MACROD2: variants seen among roughly 807,000 people sequenced by gnomAD.
The protein encoded by MACROD2 is mono-ADP ribosylhydrolase 2.
In MACROD2, 36 loss-of-function variants were observed where a neutral mutation model predicts 70.4. That is an observed-to-expected ratio of 0.51 (90% CI 0.39 to 0.68). The LOEUF is 0.68. Among genes scored for constraint, MACROD2 ranks in the 30% least tolerant of loss-of-function variants. MACROD2 has a pLI of 0.00. For missense variants in MACROD2, 496 were observed against 538.4 expected, an observed-to-expected ratio of 0.92 and a Z score of 0.78; for synonymous variants, 172 against 178.8, an observed-to-expected ratio of 0.96 and a Z score of 0.30.
intron 3 of MACROD2, among the ~76,000 whole-genome samples, chr20:14,232,469 A>C (rs974689094): frequency 6.6e-6 from 1 of 152,252 alleles, no homozygotes; most frequent in African/African-American, 2.4e-5. Context: ...AGCTAGATCT[A>C]GATAACTTGC....
chr20:14,693,678 A>G (rs765281063), intron 5 of MACROD2, among the ~76,000 whole-genome samples: 1 of 152,172 alleles, frequency 6.6e-6, no homozygotes, highest in Non-Finnish European at 1.5e-5. Flanking sequence ...GCTCTGTATT[A>G]TAGAATGTAA....
chr20:14,349,200 T>G (rs2083095412), intron 3 of MACROD2, among the ~76,000 whole-genome samples: 1 of 151,864 alleles, frequency 6.6e-6, no homozygotes, highest in South Asian at 2.1e-4. Flanking sequence ...ACTTTTTTTT[T>G]TTTTTTTTTA....
At chr20:14,991,298 C>T (rs1368162691) in intron 5 of MACROD2, among the ~76,000 whole-genome samples, 1 of 152,046 alleles carries the variant, frequency 6.6e-6, no homozygotes, top group Non-Finnish European at 1.5e-5. Context: ...AACTTTGCAT[C>T]ATTTTTTTTT....
intron 2 of MACROD2, among the ~76,000 whole-genome samples, chr20:14,044,340 T>C (rs1045007701): frequency 2.0e-5 from 3 of 152,092 alleles, no homozygotes; most frequent in African/African-American, 7.2e-5. Flanking sequence ...ATAAAGGCAG[T>C]GTGGACCCAA....
At chr20:14,550,108 A>G (rs1447700522) in intron 4 of MACROD2, among the ~76,000 whole-genome samples, 2 of 151,966 alleles carry the variant, frequency 1.3e-5, no homozygotes, top group African/African-American at 4.8e-5. Flanking sequence ...TTTTTAGTAT[A>G]GACGGGGTTT....
At chr20:15,325,406 C>T (rs931124740) in intron 6 of MACROD2, among the ~76,000 whole-genome samples, 1 of 152,138 alleles carries the variant, frequency 6.6e-6, no homozygotes, top group Non-Finnish European at 1.5e-5. Flanking sequence ...ATTTGAGGCT[C>T]CCCATCATGT....
chr20:15,076,309 A>C (rs2075657705), intron 5 of MACROD2, among the ~76,000 whole-genome samples: 1 of 152,144 alleles, frequency 6.6e-6, no homozygotes, highest in Non-Finnish European at 1.5e-5. Flanking sequence ...AAAATAAATC[A>C]ATTTCTGCTT....
intron 3 of MACROD2, among the ~76,000 whole-genome samples, chr20:14,430,515 C>T (rs1015044310): frequency 6.6e-6 from 1 of 152,128 alleles, no homozygotes; most frequent in South Asian, 2.1e-4. Flanking sequence ...ATATTTCTAG[C>T]TTTGACTGCT....
rs376333093 is a variant in MACROD2 at position 15,151,303 on chromosome 20, G to A, written c.419-78637G>A. On this transcript the variant is annotated intron_variant, in intron 5 of 17. Coordinates refer to ENST00000684519, the MANE Select transcript of MACROD2 (RefSeq NM_001351661.2). ...TTTCCAGCACTTGTAGCAAGCTCCT[G>A]GGGGAGGAGGTTCTGGAGGAATGCC... Among the ~76,000 whole-genome samples, 13 of 152,208 alleles carry A rather than the reference G, an allele frequency of 8.5e-5. No individual in the cohort carries two copies. In the East Asian group the frequency reaches 1.9e-3, roughly 23 times the overall value.
chr20:15,050,249 A>G (rs1435445514), intron 5 of MACROD2, among the ~76,000 whole-genome samples: 2 of 152,152 alleles, frequency 1.3e-5, no homozygotes, highest in African/African-American at 4.8e-5. Context: ...GCATGTTAAT[A>G]TGGTTGTAAT....
intron 5 of MACROD2, among the ~76,000 whole-genome samples, chr20:14,756,831 G>A (rs557227141): frequency 6.6e-6 from 1 of 152,212 alleles, no homozygotes; most frequent in African/African-American, 2.4e-5. Flanking sequence ...ACCAGGTGGA[G>A]ATAATGTTTC....
intron 3 of MACROD2, among the ~76,000 whole-genome samples, chr20:14,338,572 A>G (rs1399756240): frequency 6.6e-6 from 1 of 152,138 alleles, no homozygotes; most frequent in Non-Finnish European, 1.5e-5. Context: ...GATTATTTAT[A>G]TTTAACGATC....
chr20:14,966,284 G>A (rs1210666289), intron 5 of MACROD2, among the ~76,000 whole-genome samples: 1 of 152,146 alleles, frequency 6.6e-6, no homozygotes, highest in Admixed American at 6.5e-5. Context: ...ATGTACTTGT[G>A]TAACCACCTC....
At chr20:14,142,629 T>C (rs1181209307) in intron 3 of MACROD2, among the ~76,000 whole-genome samples, 1 of 152,204 alleles carries the variant, frequency 6.6e-6, no homozygotes, top group South Asian at 2.1e-4. Flanking sequence ...TTGATTGCTT[T>C]AAAAAATTTG....
At chr20:14,505,852 A>G (rs891988057) in intron 4 of MACROD2, among the ~76,000 whole-genome samples, 3 of 152,232 alleles carry the variant, frequency 2.0e-5, no homozygotes, top group African/African-American at 7.2e-5. Flanking sequence ...AAAAGCAGCT[A>G]TAAGGCTGGA....
intron 9 of MACROD2, among the ~76,000 whole-genome samples, chr20:15,878,997 T>C (rs1453273273): frequency 6.6e-6 from 1 of 152,150 alleles, no homozygotes; most frequent in Non-Finnish European, 1.5e-5. Flanking sequence ...AAACAGCGTC[T>C]ATTATGAAAT....
intron 4 of MACROD2, among the ~76,000 whole-genome samples, chr20:14,586,097 TAGG>T (rs1203315736): frequency 6.6e-6 from 1 of 152,074 alleles, no homozygotes; most frequent in African/African-American, 2.4e-5. Flanking sequence ...TTGGAGAAAA[TAGG>T]AGAAGATTCA....
intron 3 of MACROD2, among the ~76,000 whole-genome samples, chr20:14,456,704 A>G (rs529158697): frequency 1.4e-5 from 2 of 143,810 alleles, no homozygotes; most frequent in East Asian, 4.2e-4. Flanking sequence ...TTTCTTTAAG[A>G]CTCAGGATCT....
At chr20:14,117,063 C>T (rs975149174) in intron 3 of MACROD2, among the ~76,000 whole-genome samples, 2 of 19,428 alleles carry the variant, frequency 1.0e-4, no homozygotes, top group African/African-American at 3.8e-4. Context: ...AAGACTCCAT[C>T]TCAAAAAAAA....
Sources: allele counts gnomAD v4.1 joint callset (sites outside exome capture counted in the v4.1 genomes callset), GRCh38; gene constraint gnomAD v4.1.1; transcripts MANE v1.5; gene names NCBI Gene and HGNC (gene_info 2026-07-23, HGNC 2026-07-21).